Variants in CACNB2 observed in about 807,000 individuals in gnomAD.
The protein encoded by CACNB2 is voltage-dependent L-type calcium channel subunit beta-2.
CACNB2 carries 42 observed loss-of-function variants against 73.3 expected under a neutral mutation model. The observed-to-expected ratio is 0.57, with a 90% CI of 0.45 to 0.74. The LOEUF (loss-of-function observed/expected upper bound fraction) is 0.74, where lower values mean the gene tolerates loss of function less well. Ranked by LOEUF, CACNB2 falls within the 30% of genes least tolerant of loss-of-function variation. CACNB2 has a pLI of 0.00. For missense variants in CACNB2, 940 were observed against 853.0 expected (o/e 1.10, Z -1.27); for synonymous variants, 348 against 310.3 (o/e 1.12, Z -1.28).
chr10:18,464,418 T>TTAAAAAAAAA (rs1360690647), intron 3 of CACNB2, among the ~76,000 whole-genome samples: 25 of 85,294 alleles, frequency 2.9e-4, no homozygotes, highest in Admixed American at 4.6e-4. Context: ...TCTCAAAAAT[T>TTAAAAAAAAA]AAAAAAAAAA....
At chr10:18,475,014 T>C (rs896030498) in intron 3 of CACNB2, among the ~76,000 whole-genome samples, 2 of 150,648 alleles carry the variant, frequency 1.3e-5, no homozygotes, top group African/African-American at 2.4e-5. Flanking sequence ...TCAGGTTCTA[T>C]AATTTGCTAG....
rs546525806 is a variant in CACNB2 at position 18,263,910 on chromosome 10, G to A, written c.213+112935G>A. Among the ~76,000 whole-genome samples the A allele has an allele frequency of 5.9e-5, 9 of 152,284 alleles. No homozygotes were observed. The South Asian group carries it at 1.2e-3, about 21-fold the overall frequency. ...CATTATTATTGATGTTCAATATCTA[G>A]TCTTCATTCTTTTGTTTACTCCTAA... On this transcript the variant is annotated intron_variant, in intron 2 of 13. Transcript: ENST00000324631.
intron 2 of CACNB2, among the ~76,000 whole-genome samples, chr10:18,204,262 T>G (rs555357669): frequency 6.6e-6 from 1 of 152,328 alleles, no homozygotes; most frequent in Admixed American, 6.5e-5. Flanking sequence ...AACTTTTGTA[T>G]AAAGTGTCAT....
At chr10:18,375,108 C>T (rs1280440933) in intron 2 of CACNB2, among the ~76,000 whole-genome samples, 1 of 152,088 alleles carries the variant, frequency 6.6e-6, no homozygotes, top group Non-Finnish European at 1.5e-5. Flanking sequence ...GTCCCAGCTA[C>T]TCGGGAGGCA....
chr10:18,318,556 T>A (rs915451100), intron 2 of CACNB2, among the ~76,000 whole-genome samples: 6 of 152,186 alleles, frequency 3.9e-5, no homozygotes, highest in South Asian at 2.1e-4. Context: ...AAAGACTTTA[T>A]GATGAAAACA....
At chr10:18,468,473 A>C (rs560767539) in intron 3 of CACNB2, among the ~76,000 whole-genome samples, 1 of 152,290 alleles carries the variant, frequency 6.6e-6, no homozygotes, top group Non-Finnish European at 1.5e-5. Context: ...CAACAGTAAA[A>C]ACAAAACAAA....
At chr10:18,402,083 T>C (rs1398913839) in intron 3 of CACNB2, 40 bp downstream of exon 3, 2 of 1,609,392 alleles carry the variant, frequency 1.2e-6, no homozygotes, top group Admixed American at 3.3e-5. Flanking sequence ...TTGCAAGTTG[T>C]GCTGTGCCCC....
intron 2 of CACNB2, among the ~76,000 whole-genome samples, chr10:18,249,990 A>G (rs2037025356): frequency 6.6e-6 from 1 of 152,138 alleles, no homozygotes. Context: ...CCAGCTTCCA[A>G]CTGGACTCAT....
intron 4 of CACNB2, among the ~76,000 whole-genome samples, chr10:18,499,340 GGGCCC>G (rs2050033609): frequency 6.6e-6 from 1 of 152,140 alleles, no homozygotes; most frequent in African/African-American, 2.4e-5. Context: ...ACCTAGGGCT[GGGCCC>G]GGTGGCTCAT....
intron 2 of CACNB2, among the ~76,000 whole-genome samples, chr10:18,203,813 G>A (rs553905367): frequency 1.3e-4 from 20 of 152,104 alleles, no homozygotes; most frequent in Non-Finnish European, 2.5e-4. Flanking sequence ...ATAAAGAACC[G>A]TAGTTCTTAT....
intron 2 of CACNB2, among the ~76,000 whole-genome samples, chr10:18,173,301 T>C (rs1159777751): frequency 6.6e-6 from 1 of 152,252 alleles, no homozygotes; most frequent in African/African-American, 2.4e-5. Flanking sequence ...AAATACTCTT[T>C]AATGGGATTC....
chr10:18,413,878 G>T (rs1274341479), intron 3 of CACNB2, among the ~76,000 whole-genome samples: 1 of 152,216 alleles, frequency 6.6e-6, no homozygotes, highest in Non-Finnish European at 1.5e-5. Flanking sequence ...CCCTTGTGAT[G>T]GGCACAGGCA....
intron 2 of CACNB2, among the ~76,000 whole-genome samples, chr10:18,170,328 A>T (rs1243758645): frequency 1.3e-5 from 2 of 152,204 alleles, no homozygotes; most frequent in Admixed American, 6.5e-5. Context: ...GAGCTCTCAG[A>T]TTCCTACAGA....
At chr10:18,283,975 G>A (rs1039380746) in intron 2 of CACNB2, among the ~76,000 whole-genome samples, 1 of 151,818 alleles carries the variant, frequency 6.6e-6, no homozygotes, top group African/African-American at 2.4e-5. Context: ...AAATTGTAGT[G>A]TTATTATTAT....
intron 2 of CACNB2, chr10:18,234,395 C>T (rs2036347380): frequency 6.6e-6 from 1 of 152,288 alleles, no homozygotes; most frequent in Non-Finnish European, 1.5e-5. Context: ...TTTGGGTATA[C>T]ACCCAAGAGA....
chr10:18,394,597 A>G (rs975186376), intron 2 of CACNB2, among the ~76,000 whole-genome samples: 8 of 152,178 alleles, frequency 5.3e-5, no homozygotes, highest in African/African-American at 1.7e-4. Context: ...TATGACTTGC[A>G]TTTGGCTATG....
chr10:18,248,149 A>G (rs1216582507), intron 2 of CACNB2, among the ~76,000 whole-genome samples: 1 of 152,224 alleles, frequency 6.6e-6, no homozygotes, highest in Non-Finnish European at 1.5e-5. Context: ...GAAATCCACA[A>G]ACTTTAGCCT....
At position 18,517,307 on chromosome 10, in the gene CACNB2, G is replaced by C. The variant is rs573265407; in HGVS notation, c.805-1029G>C. Among the ~76,000 whole-genome samples the C allele has an allele frequency of 3.9e-5, 6 of 152,070 alleles. No homozygotes were observed. In the East Asian group the frequency reaches 1.2e-3, roughly 29 times the overall value. Reference sequence around the variant, plus strand: ...TGCATTTTTTTAAAAAGTCATTTTTGGGTCAATTTAGCATTTTATGCTATC... The same window carrying C: ...TGCATTTTTTTAAAAAGTCATTTTTCGGTCAATTTAGCATTTTATGCTATC... On this transcript the variant is annotated intron_variant, in intron 7 of 13. Transcript: ENST00000324631.
intron 2 of CACNB2, among the ~76,000 whole-genome samples, chr10:18,229,401 A>G (rs2036140078): frequency 6.6e-6 from 1 of 152,218 alleles, no homozygotes. Flanking sequence ...TTATTAGACC[A>G]CAGATATGTA....
Sources: allele counts gnomAD v4.1 joint callset (sites outside exome capture counted in the v4.1 genomes callset), GRCh38; gene constraint gnomAD v4.1.1; transcripts MANE v1.5; gene names NCBI Gene and HGNC (gene_info 2026-07-23, HGNC 2026-07-21).